EPHA6: variants seen among roughly 807,000 people sequenced by gnomAD.
The protein encoded by EPHA6 is ephrin type-A receptor 6.
A neutral mutation model predicts 112.0 loss-of-function variants in EPHA6; 50 were observed. That is an observed-to-expected ratio of 0.45 (90% CI 0.36 to 0.56). The LOEUF (loss-of-function observed/expected upper bound fraction) is 0.56, where lower values mean the gene tolerates loss of function less well. Among genes scored for constraint, EPHA6 ranks in the 20% least tolerant of loss-of-function variants. The probability of loss-of-function intolerance (pLI) is 0.00; values close to 1 mark genes in which losing one functional copy is unlikely to be tolerated. For synonymous variants in EPHA6, 529 were observed against 490.7 expected, an observed-to-expected ratio of 1.08 and a Z score of -1.03; for missense variants, 1,280 against 1,417.4, an observed-to-expected ratio of 0.90 and a Z score of 1.56.
intron 1 of EPHA6, among the ~76,000 whole-genome samples, chr3:96,848,486 G>A (rs1327922098): frequency 6.6e-6 from 1 of 151,930 alleles, no homozygotes; most frequent in African/African-American, 2.4e-5. Flanking sequence ...AATTAGCTGG[G>A]TGTGTTAGTG....
At chr3:97,485,166 C>A (rs1374925396) in intron 10 of EPHA6, among the ~76,000 whole-genome samples, 1 of 152,142 alleles carries the variant, frequency 6.6e-6, no homozygotes, top group Admixed American at 6.5e-5. Flanking sequence ...GCCATTCCAG[C>A]CAGGTGTCAT....
intron 3 of EPHA6, among the ~76,000 whole-genome samples, chr3:97,014,474 G>T (rs1450833689): frequency 7.0e-6 from 1 of 143,610 alleles, no homozygotes; most frequent in Admixed American, 7.2e-5. Flanking sequence ...CTTCCTTTCT[G>T]TTATGGCATA....
chr3:97,057,668 A>G (rs765222972), intron 3 of EPHA6, among the ~76,000 whole-genome samples: 1 of 152,190 alleles, frequency 6.6e-6, no homozygotes, highest in East Asian at 1.9e-4. Context: ...TATCATAATC[A>G]CAGTTATTAT....
intron 13 of EPHA6, among the ~76,000 whole-genome samples, chr3:97,617,752 C>T (rs918561598): frequency 3.3e-5 from 5 of 152,058 alleles, no homozygotes; most frequent in African/African-American, 1.2e-4. Flanking sequence ...TATATATGCA[C>T]CAACACAGGA....
intron 15 of EPHA6, among the ~76,000 whole-genome samples, chr3:97,722,063 A>G (rs2034555604): frequency 6.6e-6 from 1 of 152,106 alleles, no homozygotes; most frequent in Admixed American, 6.5e-5. Flanking sequence ...TCTCCTCCAG[A>G]TGAGTTATAG....
At chr3:97,149,677 A>G (rs558929539) in intron 3 of EPHA6, among the ~76,000 whole-genome samples, 4 of 151,954 alleles carry the variant, frequency 2.6e-5, no homozygotes, top group Admixed American at 6.6e-5. Context: ...CATGAATTCT[A>G]TATGTTTATA....
At chr3:97,215,018 G>A (rs965449935) in intron 3 of EPHA6, among the ~76,000 whole-genome samples, 2 of 152,146 alleles carry the variant, frequency 1.3e-5, no homozygotes, top group African/African-American at 4.8e-5. Context: ...ATATTTTACT[G>A]ATAAGTCATG....
At chr3:96,915,352 A>G (rs1386789410) in intron 2 of EPHA6, among the ~76,000 whole-genome samples, 2 of 152,082 alleles carry the variant, frequency 1.3e-5, no homozygotes, top group Non-Finnish European at 2.9e-5. Flanking sequence ...ATTTTTCTAT[A>G]CCTAAAGTAA....
intron 5 of EPHA6, among the ~76,000 whole-genome samples, chr3:97,350,330 T>C (rs1438990293): frequency 6.6e-6 from 1 of 151,984 alleles, no homozygotes; most frequent in Non-Finnish European, 1.5e-5. Context: ...TTGTTTACAG[T>C]TTAATTAGCA....
intron 2 of EPHA6, among the ~76,000 whole-genome samples, chr3:96,930,991 CCAAAAA>C (rs1320853240): frequency 8.2e-4 from 2 of 2,440 alleles, no homozygotes; most frequent in African/African-American, 2.2e-3. Flanking sequence ...GACTCTGTCT[CCAAAAA>C]AAAAAAAAAA....
chr3:97,140,102 T>C (rs2075862682), intron 3 of EPHA6, among the ~76,000 whole-genome samples: 1 of 152,106 alleles, frequency 6.6e-6, no homozygotes, highest in South Asian at 2.1e-4. Context: ...AAAAGAGGTT[T>C]TCAGAACTGG....
intron 10 of EPHA6, among the ~76,000 whole-genome samples, chr3:97,497,105 C>G (rs939930794): frequency 1.3e-5 from 2 of 152,120 alleles, no homozygotes; most frequent in African/African-American, 4.8e-5. Context: ...AACATGGAAC[C>G]CTAGAATGGA....
At chr3:97,435,847 T>C (rs558663849) in intron 6 of EPHA6, among the ~76,000 whole-genome samples, 1 of 152,342 alleles carries the variant, frequency 6.6e-6, no homozygotes, top group South Asian at 2.1e-4. Context: ...ATAATGTTTC[T>C]GTAAAATGAC....
chr3:97,535,049 GAC>G (rs3033947), intron 11 of EPHA6, among the ~76,000 whole-genome samples: 104 of 150,122 alleles, frequency 6.9e-4, no homozygotes, highest in African/African-American at 2.0e-3. Context: ...CTCAATCACA[GAC>G]ACACACACAC....
At chr3:97,086,669 T>G (rs1003375762) in intron 3 of EPHA6, among the ~76,000 whole-genome samples, 1 of 152,046 alleles carries the variant, frequency 6.6e-6, no homozygotes, top group Non-Finnish European at 1.5e-5. Context: ...GTGGTTATAT[T>G]TTATTGTTTA....
chr3:97,078,309 G>C (rs144220656), intron 3 of EPHA6, among the ~76,000 whole-genome samples: 1 of 151,972 alleles, frequency 6.6e-6, no homozygotes, highest in African/African-American at 2.4e-5. Flanking sequence ...TTTTCAGATG[G>C]GTAGATTGCA....
intron 6 of EPHA6, among the ~76,000 whole-genome samples, chr3:97,431,621 T>A (rs188236506): frequency 6.6e-6 from 1 of 152,272 alleles, no homozygotes; most frequent in East Asian, 1.9e-4. Flanking sequence ...AATTTAGTAA[T>A]ACCTGAATAT....
At chr3:96,981,150 C>T (rs2042755053) in intron 2 of EPHA6, among the ~76,000 whole-genome samples, 1 of 152,094 alleles carries the variant, frequency 6.6e-6, no homozygotes, top group Non-Finnish European at 1.5e-5. Flanking sequence ...GGAATGCTTC[C>T]AGTTTTGCCC....
At chr3:97,547,560 C>A (rs993793720) in intron 11 of EPHA6, among the ~76,000 whole-genome samples, 1 of 152,210 alleles carries the variant, frequency 6.6e-6, no homozygotes, top group Non-Finnish European at 1.5e-5. Context: ...TCTCAAGCTG[C>A]GTGCTGGGAG....
Sources: gnomAD v4.1 joint callset for allele counts (sites outside exome capture counted in the v4.1 genomes callset) on GRCh38, gnomAD v4.1.1 for gene constraint, MANE v1.5 for transcripts, NCBI Gene and HGNC (gene_info 2026-07-23, HGNC 2026-07-21) for gene names.